DCDC1: variants seen among roughly 807,000 people sequenced by gnomAD.
DCDC1 encodes doublecortin domain containing 1, also known as doublecortin domain-containing protein 1.
In DCDC1, 200 loss-of-function variants were observed where a neutral mutation model predicts 178.3. That is an observed-to-expected ratio of 1.12 (90% confidence interval 1.00 to 1.26). The LOEUF is 1.26. DCDC1 is among the 50% of genes most tolerant of loss of function. DCDC1 has a pLI of 0.00. For synonymous variants in DCDC1, 690 were observed against 604.8 expected, an observed-to-expected ratio of 1.14 and a Z score of -2.07; for missense variants, 1,983 against 1,749.2, an observed-to-expected ratio of 1.13 and a Z score of -2.38.
intron 9 of DCDC1, among the ~76,000 whole-genome samples, chr11:31,151,745 AGCTT>A (rs1965191248): frequency 6.6e-6 from 1 of 152,208 alleles, no homozygotes; most frequent in South Asian, 2.1e-4. Context: ...ATTAGTTGAC[AGCTT>A]GCTTATTTTG....
intron 3 of DCDC1, among the ~76,000 whole-genome samples, chr11:31,311,793 C>A (rs1948785646): frequency 6.6e-6 from 1 of 152,164 alleles, no homozygotes. Context: ...AAATCCTCCC[C>A]ATTTATTTCT....
intron 11 of DCDC1, among the ~76,000 whole-genome samples, 169 bp downstream of exon 11, chr11:31,127,300 T>G (rs1234186441): frequency 6.6e-6 from 1 of 152,206 alleles, no homozygotes; most frequent in Non-Finnish European, 1.5e-5. Flanking sequence ...GTATTTTCTT[T>G]TAAAATCTGT....
At chr11:31,062,713 AC>A (rs1176034450) in intron 20 of DCDC1, among the ~76,000 whole-genome samples, 1 of 152,050 alleles carries the variant, frequency 6.6e-6, no homozygotes, top group Non-Finnish European at 1.5e-5. Flanking sequence ...ATCAGAAAAA[AC>A]GTTCCCTTCC....
Position 30,905,010 on chromosome 11 carries a change from C to T in DCDC1, c.4259G>A (p.Gly1420Glu). 2 of 1,613,832 alleles carry T rather than the reference C, an allele frequency of 1.2e-6. No homozygotes were observed. The highest frequency in any genetic ancestry group is 1.7e-6 in the Non-Finnish European group (2 of 1,179,776). Residue 1420 changes from glycine to glutamate, a missense_variant, in exon 31 of 39, where the codon GGG becomes GAG. Coordinates refer to ENST00000684477, the MANE Select transcript of DCDC1 (RefSeq NM_001387274.1). ...KAVKIIAYKN[G>E]DGYRNGKLIV... ...TAACTTCCCATTACGATACCCATCC[C>T]CATTTTTGTATGCAATTATTTTCAC...
chr11:30,920,614 G>A (rs1946181378), intron 25 of DCDC1, among the ~76,000 whole-genome samples, 162 bp downstream of exon 25: 2 of 152,124 alleles, frequency 1.3e-5, no homozygotes, highest in African/African-American at 4.8e-5. Context: ...AGCTGTAGTT[G>A]TATCATTTTG....
In DCDC1 at chr11:30,925,300, T is replaced by C. The variant is rs558909679; in HGVS notation, c.2997+9A>G. The C allele has an allele frequency of 2.2e-5, 35 of 1,609,674 alleles. No homozygotes were observed. The South Asian group carries it at 3.7e-4, about 17-fold the overall frequency. ...ATTAATATTGCCAGTTTCAAATCCA[T>C]GTCTTTACCAGTTCATCTCTTTGCA... On this transcript the variant is annotated intron_variant, in intron 23 of 38. Coordinates refer to ENST00000684477, the MANE Select transcript of DCDC1 (RefSeq NM_001387274.1).
At chr11:31,149,749 G>A (rs1964954514) in intron 9 of DCDC1, among the ~76,000 whole-genome samples, 1 of 150,906 alleles carries the variant, frequency 6.6e-6, no homozygotes, top group Non-Finnish European at 1.5e-5. Flanking sequence ...TCACTGCGAA[G>A]GTCTGTGGCT....
rs768492401 is a variant in DCDC1, at chr11:31,064,468, C to A, written c.2591+1G>T. 1.3e-6 allele frequency: 1 copy of A among 764,890 alleles called. No individual in the cohort carries two copies. The highest frequency in any genetic ancestry group is 2.4e-6 in the Non-Finnish European group (1 of 416,924). The allele number at this position is 764,890 out of a possible 1,614,324, so 47.4% of individuals were successfully genotyped here. A position where few individuals can be genotyped will look rare whatever the true frequency, so the allele number is the denominator to read the frequency against. Reference sequence around the variant, plus strand: ...AAAGCTCAGTTCTGTCAGTACCCTACCTCTGAGCAGAAGCCTTAGGATGTT... The same window carrying A: ...AAAGCTCAGTTCTGTCAGTACCCTAACTCTGAGCAGAAGCCTTAGGATGTT... On this transcript the variant is annotated splice_donor_variant, in intron 20 of 38. Coordinates refer to ENST00000684477, the MANE Select transcript of DCDC1 (RefSeq NM_001387274.1). LOFTEE classifies it high-confidence loss of function.
At chr11:31,001,530 T>C (rs1951579211) in intron 20 of DCDC1, among the ~76,000 whole-genome samples, 1 of 152,212 alleles carries the variant, frequency 6.6e-6, no homozygotes, top group African/African-American at 2.4e-5. Flanking sequence ...GCCTTAAGGC[T>C]TTCTCTGCCA....
At chr11:31,254,103 T>C (rs538735574) in intron 8 of DCDC1, among the ~76,000 whole-genome samples, 25 of 152,310 alleles carry the variant, frequency 1.6e-4, no homozygotes, top group Admixed American at 5.9e-4. Context: ...TGTGGAGTCA[T>C]TTGTTACCAT....
intron 20 of DCDC1, among the ~76,000 whole-genome samples, chr11:31,014,201 C>G (rs982174432): frequency 8.6e-5 from 13 of 152,010 alleles, no homozygotes; most frequent in Non-Finnish European, 1.2e-4. Flanking sequence ...CTCTCACTCT[C>G]TCTTTCTCTC....
chr11:31,366,351 G>A (rs576095669), intron 1 of DCDC1, among the ~76,000 whole-genome samples: 1 of 152,322 alleles, frequency 6.6e-6, no homozygotes, highest in East Asian at 1.9e-4. Flanking sequence ...TCCAGAGAAT[G>A]AGGCAAGATA....
chr11:31,192,120 A>C (rs760327698), intron 9 of DCDC1, among the ~76,000 whole-genome samples: 1 of 151,930 alleles, frequency 6.6e-6, no homozygotes, highest in African/African-American at 2.4e-5. Context: ...AATCTCTCGA[A>C]TCTTTTCCTA....
chr11:31,090,799 T>A (rs558171986), intron 17 of DCDC1, among the ~76,000 whole-genome samples: 3 of 152,270 alleles, frequency 2.0e-5, no homozygotes, highest in South Asian at 2.1e-4. Flanking sequence ...GAAATTGTTT[T>A]TTTCAACACT....
At chr11:31,047,389 A>G (rs1297109330) in intron 20 of DCDC1, among the ~76,000 whole-genome samples, 1 of 152,232 alleles carries the variant, frequency 6.6e-6, no homozygotes, top group Non-Finnish European at 1.5e-5. Context: ...CAACAGCCAG[A>G]TATTTATAAA....
intron 20 of DCDC1, among the ~76,000 whole-genome samples, chr11:30,954,278 G>A (rs942624173): frequency 2.0e-5 from 3 of 151,852 alleles, no homozygotes; most frequent in South Asian, 2.1e-4. Flanking sequence ...GCCTCCCAAA[G>A]TGCTGGGATT....
At chr11:31,137,548 C>A (rs933492801) in intron 10 of DCDC1, 144 bp downstream of exon 10, 16 of 471,336 alleles carry the variant, frequency 3.4e-5, no homozygotes, top group Non-Finnish European at 5.3e-5. Context: ...TGGGGTTTCA[C>A]CATGTTGGTC....
intron 12 of DCDC1, 118 bp downstream of exon 12, chr11:31,110,142 T>G (rs997126876): frequency 1.8e-5 from 11 of 597,370 alleles, no homozygotes; most frequent in African/African-American, 5.6e-5. Context: ...GATATCAGTC[T>G]TTACAGATCA....
chr11:31,187,492 A>T (rs1165758157), intron 9 of DCDC1, among the ~76,000 whole-genome samples: 4 of 152,206 alleles, frequency 2.6e-5, no homozygotes, highest in African/African-American at 4.8e-5. Flanking sequence ...TCCTGAAAGC[A>T]AAACAAACAA....
Sources: allele counts gnomAD v4.1 joint callset (sites outside exome capture counted in the v4.1 genomes callset), GRCh38; gene constraint gnomAD v4.1.1; transcripts MANE v1.5; gene names NCBI Gene and HGNC (gene_info 2026-07-23, HGNC 2026-07-21).